The following GLT1D1 variants were observed in gnomAD, a reference collection of about 807,000 sequenced individuals.
GLT1D1 encodes the protein glycosyltransferase 1 domain containing 1.
GLT1D1 carries 21 observed loss-of-function variants against 28.7 expected under a neutral mutation model. The observed-to-expected ratio is 0.73, with a 90% CI of 0.52 to 1.05. The LOEUF (loss-of-function observed/expected upper bound fraction) is 1.05, where lower values mean the gene tolerates loss of function less well. Ranked by LOEUF, GLT1D1 falls within the 50% of genes least tolerant of loss-of-function variation. The pLI, the probability that GLT1D1 is intolerant of heterozygous loss-of-function variation, is 0.00. For missense variants in GLT1D1, 343 were observed against 330.6 expected (o/e 1.04, Z -0.29); for synonymous variants, 147 against 124.8 (o/e 1.18, Z -1.19).
intron 1 of GLT1D1, among the ~76,000 whole-genome samples, chr12:128,869,909 C>T (rs1459122428): frequency 6.7e-6 from 1 of 149,068 alleles, no homozygotes; most frequent in Non-Finnish European, 1.5e-5. Context: ...TTTTTGCAGT[C>T]TTTTAAAAAA....
At chr12:128,897,651 C>T (rs986530933) in intron 3 of GLT1D1, among the ~76,000 whole-genome samples, 11 of 152,126 alleles carry the variant, frequency 7.2e-5, no homozygotes, top group African/African-American at 2.7e-4. Context: ...CTTCTCTAAC[C>T]TTATGCTATG....
rs1566096827 is a variant in GLT1D1, at chr12:128,879,451, T to TTTCC, written c.217+3392_217+3393insCTTC. Reference sequence around the variant, plus strand: ...CTTTCTTTCTTTCTTTCTTTCTTTCTTTCTTTCTTTTTTTTGGGGGGGTGG... The same window carrying TTTCC: ...CTTTCTTTCTTTCTTTCTTTCTTTCTTTCCTTCTTTCTTTTTTTTGGGGGGGTGG... On this transcript the variant is annotated intron_variant, in intron 2 of 7. Transcript: ENST00000281703. Among the ~76,000 whole-genome samples, 32 of 127,650 alleles carry TTTCC rather than the reference T, an allele frequency of 2.5e-4. 1 individual carries two copies. The highest frequency in any genetic ancestry group is 9.8e-4 in the African/African-American group (32 of 32,670). 83.7% of individuals were successfully genotyped at this position (127,650 alleles called of 152,430 possible).
rs374597920 is a variant in GLT1D1 at position 128,956,171 on chromosome 12, A to AAAAAAAAAAAAAAAAGAG, written c.541-1373_541-1372insAAAAAAAAAAAAAAGAGA. The stretch of plus-strand genomic sequence containing the variant: ...GAGACTCCATCTCAAAAAAAAAAAA[A>AAAAAAAAAAAAAAAAGAG]AGAGAAAGAGAGAAAGAAAGAAAGA... On this transcript the variant is annotated intron_variant, in intron 6 of 7. Transcript: ENST00000281703. Among the ~76,000 whole-genome samples the AAAAAAAAAAAAAAAAGAG allele has an allele frequency of 7.4e-3, 469 of 63,298 alleles. 41 individuals carry two copies. The highest frequency in any genetic ancestry group is 0.011 in the Non-Finnish European group (310 of 28,000). 41.5% of individuals were successfully genotyped at this position (63,298 alleles called of 152,430 possible).
chr12:128,963,797 A>G (rs1288341605), intron 7 of GLT1D1, among the ~76,000 whole-genome samples: 1 of 152,192 alleles, frequency 6.6e-6, no homozygotes, highest in Admixed American at 6.5e-5. Flanking sequence ...AAGGAATGAA[A>G]CAGAAAGGCT....
In GLT1D1 at chr12:128,874,126, CTTTCTTTCTTTCTTTCTTTCTT is replaced by C. The variant is rs1234621080; in HGVS notation, c.69-1786_69-1765del. On this transcript the variant is annotated intron_variant, in intron 1 of 7. Transcript: ENST00000281703. ...TCTCTCTCTCTCTCTCTCTCTCTCT[CTTTCTTTCTTTCTTTCTTTCTT>C]TCTTTCTTTCTTTCTTTCTTTCTTT... Among the ~76,000 whole-genome samples, 149 of 38,106 alleles carry C rather than the reference CTTTCTTTCTTTCTTTCTTTCTT, an allele frequency of 3.9e-3. 1 individual carries two copies. Among genetic ancestry groups the C allele is most frequent in the Non-Finnish European group, 5.7e-3 (121 of 21,088 alleles). 25.0% of individuals were successfully genotyped at this position (38,106 alleles called of 152,430 possible).
intron 4 of GLT1D1, among the ~76,000 whole-genome samples, chr12:128,902,173 A>G (rs140843640): frequency 2.0e-5 from 3 of 151,658 alleles, no homozygotes; most frequent in South Asian, 2.1e-4. Context: ...AGACCAATGG[A>G]CTTTAATATA....
At chr12:128,868,138 A>G (rs1956593453) in intron 1 of GLT1D1, among the ~76,000 whole-genome samples, 1 of 152,238 alleles carries the variant, frequency 6.6e-6, no homozygotes, top group Non-Finnish European at 1.5e-5. Flanking sequence ...GGACAGGGAC[A>G]GGAGTCCACT....
intron 2 of GLT1D1, among the ~76,000 whole-genome samples, chr12:128,882,422 G>A (rs995593525): frequency 2.6e-5 from 4 of 151,476 alleles, no homozygotes; most frequent in Middle Eastern, 3.4e-3. Context: ...GATTATAGGC[G>A]CCCACCACCA....
intron 1 of GLT1D1, among the ~76,000 whole-genome samples, chr12:128,854,129 C>T (rs1056749043): frequency 6.6e-5 from 10 of 152,214 alleles, no homozygotes; most frequent in African/African-American, 2.4e-4. Context: ...CCCACCTCCC[C>T]TCTGCCCTGT....
chr12:128,973,587 C>A (rs1394096603), intron 7 of GLT1D1, among the ~76,000 whole-genome samples: 1 of 152,006 alleles, frequency 6.6e-6, no homozygotes, highest in Non-Finnish European at 1.5e-5. Context: ...CCAACTTCCT[C>A]CTGCTCTAAC....
At chr12:128,972,462 A>G (rs979330804) in intron 7 of GLT1D1, among the ~76,000 whole-genome samples, 2 of 152,172 alleles carry the variant, frequency 1.3e-5, no homozygotes, top group African/African-American at 4.8e-5. Flanking sequence ...GAGGCTGGGA[A>G]TTGTGGCCCG....
intron 6 of GLT1D1, among the ~76,000 whole-genome samples, chr12:128,954,954 C>T (rs1229808627): frequency 1.3e-5 from 2 of 152,138 alleles, no homozygotes; most frequent in Non-Finnish European, 2.9e-5. Context: ...ACCCTGTCCC[C>T]TCTTCCTGGG....
At chr12:128,881,209 G>T (rs1179795621) in intron 2 of GLT1D1, among the ~76,000 whole-genome samples, 1 of 115,720 alleles carries the variant, frequency 8.6e-6, no homozygotes, top group Non-Finnish European at 1.7e-5. Flanking sequence ...GGGCGACAGA[G>T]CGAGACTCCG....
At chr12:128,946,165 G>A (rs1876042425) in intron 5 of GLT1D1, among the ~76,000 whole-genome samples, 1 of 152,206 alleles carries the variant, frequency 6.6e-6, no homozygotes, top group Non-Finnish European at 1.5e-5. Context: ...GCCTGGCAGA[G>A]CCATGAGAGT....
intron 4 of GLT1D1, among the ~76,000 whole-genome samples, chr12:128,901,748 A>T (rs752585229): frequency 1.5e-4 from 22 of 143,902 alleles, no homozygotes; most frequent in South Asian, 8.9e-4. Flanking sequence ...CTTTTTTTTT[A>T]TTATTATTAT....
chr12:128,890,201 C>T (rs1229793044), intron 3 of GLT1D1, among the ~76,000 whole-genome samples: 3 of 152,120 alleles, frequency 2.0e-5, no homozygotes, highest in African/African-American at 7.2e-5. Context: ...TTTTTGTTTC[C>T]TGTGTCTGCT....
chr12:128,951,456 C>G (rs1876684150), intron 6 of GLT1D1, among the ~76,000 whole-genome samples: 1 of 152,140 alleles, frequency 6.6e-6, no homozygotes, highest in South Asian at 2.1e-4. Context: ...TAAATGTAGG[C>G]AATTTTTGCT....
chr12:128,878,827 C>T (rs1956933872), intron 2 of GLT1D1, among the ~76,000 whole-genome samples: 2 of 152,122 alleles, frequency 1.3e-5, no homozygotes, highest in South Asian at 4.1e-4. Context: ...GTTGCCCAGG[C>T]TGGTCTTGAA....
intron 4 of GLT1D1, among the ~76,000 whole-genome samples, chr12:128,937,776 T>C (rs1347551910): frequency 6.6e-6 from 1 of 152,160 alleles, no homozygotes; most frequent in Non-Finnish European, 1.5e-5. Context: ...CCCCCTTCAC[T>C]CTGCACTTCT....
Sources: gnomAD v4.1 joint callset for allele counts (sites outside exome capture counted in the v4.1 genomes callset) on GRCh38, gnomAD v4.1.1 for gene constraint, MANE v1.5 for transcripts, NCBI Gene and HGNC (gene_info 2026-07-23, HGNC 2026-07-21) for gene names.